Variants in CDC27 observed in about 807,000 individuals in gnomAD.
The protein encoded by CDC27 is cell division cycle protein 27 homolog.
Under a neutral mutation model 109.7 loss-of-function variants are expected in CDC27, and 27 were observed. That is an observed-to-expected ratio of 0.25 (90% CI 0.18 to 0.34). CDC27 has a LOEUF of 0.34. Among genes scored for constraint, CDC27 ranks in the 10% least tolerant of loss-of-function variants. The pLI, the probability that CDC27 is intolerant of heterozygous loss-of-function variation, is 1.00. For synonymous variants in CDC27, 266 were observed against 333.9 expected (o/e 0.80, Z 2.22); for missense variants, 579 against 960.2 (o/e 0.60, Z 5.25).
At chr17:47,133,018 T>C (rs1226415519) in intron 14 of CDC27, among the ~76,000 whole-genome samples, 19 of 47,264 alleles carry the variant, frequency 4.0e-4, no homozygotes, top group African/African-American at 1.2e-3. Flanking sequence ...TATATATATA[T>C]ATATATATAT....
chr17:47,143,777 C>T (rs938820644), intron 10 of CDC27, 106 bp downstream of exon 10: 15 of 416,260 alleles, frequency 3.6e-5, no homozygotes, highest in African/African-American at 2.5e-4. Flanking sequence ...TTTTAAAATT[C>T]GAAATAGTCT....
At chr17:47,149,114 T>C (rs2063071328) in intron 9 of CDC27, among the ~76,000 whole-genome samples, 1 of 151,158 alleles carries the variant, frequency 6.6e-6, no homozygotes, top group Admixed American at 6.6e-5. Context: ...AAAGAAATTC[T>C]TGCCTAGTAA....
intron 2 of CDC27, among the ~76,000 whole-genome samples, chr17:47,177,842 T>C (rs1460173259): frequency 6.9e-6 from 1 of 144,338 alleles, no homozygotes; most frequent in Admixed American, 7.0e-5. Context: ...ATAACTCTTA[T>C]TTTATATGTG....
chr17:47,173,373 C>CA (rs541273451), intron 2 of CDC27, among the ~76,000 whole-genome samples: 14,367 of 115,886 alleles, frequency 0.12, 745 homozygotes, highest in African/African-American at 0.17. Flanking sequence ...GCTGCAGCTA[C>CA]AAAAAAAAAA....
At chr17:47,159,392 C>T in intron 4 of CDC27, 1 of 971,242 alleles carries the variant, frequency 1.0e-6, no homozygotes, top group Admixed American at 2.7e-5. Context: ...CAGTGCAGCC[C>T]CTGGCTGAGG....
At chr17:47,121,078 T>C in intron 18 of CDC27, 61 bp from the exon 19 acceptor site, 2 of 1,078,666 alleles carry the variant, frequency 1.9e-6, no homozygotes, top group Non-Finnish European at 2.8e-6. Flanking sequence ...TGTTGGTTCA[T>C]GAAAACAAGT....
intron 2 of CDC27, among the ~76,000 whole-genome samples, chr17:47,175,042 G>A (rs8070852): frequency 2.5e-5 from 1 of 39,470 alleles, no homozygotes; most frequent in African/African-American, 7.5e-5. Context: ...AGAGAGAGAG[G>A]AAGGAAGGAA....
At chr17:47,141,771 A>C in intron 12 of CDC27, 82 bp downstream of exon 12, 1 of 759,458 alleles carries the variant, frequency 1.3e-6, no homozygotes, top group Non-Finnish European at 2.2e-6. Flanking sequence ...TTTTAGATCT[A>C]GCCTTCTTAA....
At chr17:47,134,362 T>C (rs569582334) in intron 14 of CDC27, among the ~76,000 whole-genome samples, 3 of 151,592 alleles carry the variant, frequency 2.0e-5, no homozygotes, top group Non-Finnish European at 4.4e-5. Context: ...TGGAGTGCAA[T>C]GGCGTGATCA....
chr17:47,155,209 G>A (rs970770659), intron 7 of CDC27, among the ~76,000 whole-genome samples: 5 of 151,960 alleles, frequency 3.3e-5, no homozygotes, highest in Admixed American at 1.3e-4. Flanking sequence ...GTAGTTCCCC[G>A]GCCTCAGGAC....
chr17:47,183,613 C>G (rs907492175), intron 1 of CDC27, among the ~76,000 whole-genome samples: 2 of 152,136 alleles, frequency 1.3e-5, no homozygotes, highest in African/African-American at 4.8e-5. Flanking sequence ...TTATTATACA[C>G]TCTAATTGCA....
At chr17:47,147,695 C>A (rs1464337217) in intron 9 of CDC27, among the ~76,000 whole-genome samples, 1 of 151,878 alleles carries the variant, frequency 6.6e-6, no homozygotes, top group African/African-American at 2.4e-5. Flanking sequence ...CATAGCAAGA[C>A]CTTGTCTCAT....
chr17:47,145,897 C>CAA (rs879473834), intron 9 of CDC27, among the ~76,000 whole-genome samples: 1 of 141,786 alleles, frequency 7.1e-6, no homozygotes. Context: ...AACTCTGTCT[C>CAA]AAAAAAAAAA....
At chr17:47,141,831 T>C (rs761873103) in intron 12 of CDC27, 22 bp downstream of exon 12, 1 of 1,501,278 alleles carries the variant, frequency 6.7e-7, no homozygotes, top group South Asian at 1.3e-5. Flanking sequence ...GAAAGGCATA[T>C]ATAACCATTT....
At chr17:47,127,202 T>C (rs1234151750) in intron 16 of CDC27, among the ~76,000 whole-genome samples, 1 of 152,086 alleles carries the variant, frequency 6.6e-6, no homozygotes, top group Non-Finnish European at 1.5e-5. Context: ...ATTTGAGGCT[T>C]CAGTGAGCTA....
Position 47,166,009 on chromosome 17 carries a change from C to T in CDC27, c.377+3908G>A, listed in dbSNP as rs183675905. ...GTGTATGTTCCCACAAGTGGAATTA[C>T]TGGCTCAAATAGTAATTCTAGTTTC... On this transcript the variant is annotated intron_variant, in intron 4 of 18. Coordinates refer to ENST00000066544, the MANE Select transcript of CDC27 (RefSeq NM_001256.6). 2.4e-3 allele frequency among the ~76,000 whole-genome samples: 360 copies of T among 152,310 alleles called. 1 individual carries two copies. Among genetic ancestry groups the T allele is most frequent in the Non-Finnish European group, 2.4e-3 (163 of 68,016 alleles).
At chr17:47,133,284 A>G (rs938153605) in intron 14 of CDC27, among the ~76,000 whole-genome samples, 2 of 149,214 alleles carry the variant, frequency 1.3e-5, no homozygotes, top group Admixed American at 1.3e-4. Flanking sequence ...GATTACAGGC[A>G]TGCACCATCA....
intron 15 of CDC27, 128 bp from the exon 16 acceptor site, chr17:47,129,649 C>A: frequency 3.8e-6 from 2 of 527,046 alleles, no homozygotes; most frequent in Non-Finnish European, 6.7e-6. Flanking sequence ...ACTGGATTGT[C>A]CACTGCATTA....
intron 15 of CDC27, 105 bp downstream of exon 15, chr17:47,132,152 T>C: frequency 1.6e-6 from 1 of 636,050 alleles, no homozygotes; most frequent in Non-Finnish European, 2.8e-6. Flanking sequence ...CAGAATACTG[T>C]TTCAACACAA....
Sources: allele counts gnomAD v4.1 joint callset (sites outside exome capture counted in the v4.1 genomes callset), GRCh38; gene constraint gnomAD v4.1.1; transcripts MANE v1.5; gene names NCBI Gene and HGNC (gene_info 2026-07-23, HGNC 2026-07-21).